Variants in CTNND2 observed in about 807,000 individuals in gnomAD.
CTNND2 encodes catenin delta 2.
In CTNND2, 22 loss-of-function variants were observed where a neutral mutation model predicts 144.4. That is an observed-to-expected ratio of 0.15 (90% CI 0.11 to 0.22). The LOEUF (loss-of-function observed/expected upper bound fraction) is 0.22. CTNND2 is among the 10% of genes least tolerant of loss of function. The probability of loss-of-function intolerance (pLI) is 1.00; values close to 1 mark genes in which losing one functional copy is unlikely to be tolerated. For missense variants in CTNND2, 1,353 were observed against 1,618.8 expected (o/e 0.84, Z 2.82); for synonymous variants, 751 against 695.6 (o/e 1.08, Z -1.25).
At chr5:11,754,331 T>C (rs1788789379) in intron 1 of CTNND2, among the ~76,000 whole-genome samples, 1 of 151,286 alleles carries the variant, frequency 6.6e-6, no homozygotes, top group African/African-American at 2.4e-5. Context: ...ATGTTTCTCT[T>C]AACAATGTTT....
chr5:11,378,996 A>G (rs756281459), intron 7 of CTNND2, among the ~76,000 whole-genome samples: 9 of 152,196 alleles, frequency 5.9e-5, no homozygotes, highest in African/African-American at 9.7e-5. Context: ...TCATTGGTTA[A>G]GAGTCTCCAC....
chr5:11,411,986 T>C, intron 4 of CTNND2, 49 bp downstream of exon 4: 4 of 1,442,016 alleles, frequency 2.8e-6, no homozygotes, highest in Non-Finnish European at 3.9e-6. Flanking sequence ...AAGTCATCAG[T>C]AGAGATATGT....
chr5:11,263,652 G>C (rs74398558), intron 9 of CTNND2, among the ~76,000 whole-genome samples: 4,265 of 152,270 alleles, frequency 0.028, 107 homozygotes, highest in African/African-American at 0.064. Flanking sequence ...TGAACCACTT[G>C]TAAAATATAT....
intron 12 of CTNND2, among the ~76,000 whole-genome samples, chr5:11,128,731 ATATATATATT>A (rs548781313): frequency 9.1e-5 from 5 of 55,222 alleles, no homozygotes; most frequent in Non-Finnish European, 1.4e-4. Flanking sequence ...CATATATATA[ATATATATATT>A]TATATATATT....
At chr5:11,453,852 T>A (rs1765494858) in intron 3 of CTNND2, among the ~76,000 whole-genome samples, 1 of 152,208 alleles carries the variant, frequency 6.6e-6, no homozygotes, top group Admixed American at 6.5e-5. Context: ...GGATTTATAC[T>A]ACTCTTCTTG....
At chr5:11,502,687 G>C (rs114873563) in intron 3 of CTNND2, among the ~76,000 whole-genome samples, 2 of 152,096 alleles carry the variant, frequency 1.3e-5, no homozygotes, top group East Asian at 3.9e-4. Flanking sequence ...TGGTACCCCA[G>C]ACTATCATCC....
At chr5:11,345,947 T>G (rs909725047) in intron 9 of CTNND2, among the ~76,000 whole-genome samples, 6 of 152,218 alleles carry the variant, frequency 3.9e-5, no homozygotes, top group Admixed American at 6.5e-5. Context: ...TTTTCAATTT[T>G]ACTATAGCTT....
At chr5:11,609,782 C>T (rs1395485413) in intron 2 of CTNND2, among the ~76,000 whole-genome samples, 1 of 152,120 alleles carries the variant, frequency 6.6e-6, no homozygotes, top group Non-Finnish European at 1.5e-5. Flanking sequence ...AAGCCACCTG[C>T]CCCAGGGGAG....
chr5:11,268,740 A>G (rs1406617236), intron 9 of CTNND2, among the ~76,000 whole-genome samples: 1 of 152,220 alleles, frequency 6.6e-6, no homozygotes, highest in Non-Finnish European at 1.5e-5. Flanking sequence ...TTTTTTTACC[A>G]CAACACTAAC....
chr5:11,128,987 A>ATT lies in CTNND2; in HGVS notation c.2160-11421_2160-11420insAA, dbSNP rs1454567272. Among the ~76,000 whole-genome samples the ATT allele has an allele frequency of 4.0e-5, 2 of 49,564 alleles. 1 individual carries two copies. Among genetic ancestry groups the ATT allele is most frequent in the Non-Finnish European group, 7.7e-5 (2 of 25,882 alleles). The allele number at this position is 49,564 out of a possible 152,430, so 32.5% of individuals were successfully genotyped here. On this transcript the variant is annotated intron_variant, in intron 12 of 21. Transcript: ENST00000304623. ...TATAATATATAATATATAAATATAT[A>ATT]TAATATATAATATATAAATATATAT... is the stretch of plus-strand genomic sequence containing the variant.
chr5:11,248,101 A>G (rs988934295), intron 9 of CTNND2, among the ~76,000 whole-genome samples: 5 of 152,204 alleles, frequency 3.3e-5, no homozygotes, highest in Non-Finnish European at 7.3e-5. Context: ...ATCTATTTTA[A>G]AATTAACAGC....
intron 2 of CTNND2, among the ~76,000 whole-genome samples, chr5:11,592,143 C>A (rs1183618883): frequency 8.3e-6 from 1 of 120,680 alleles, no homozygotes; most frequent in Non-Finnish European, 1.7e-5. Context: ...TGCCTTCCTG[C>A]CTTCCTGCCT....
chr5:10,995,799 A>G (rs1396871025), intron 18 of CTNND2, among the ~76,000 whole-genome samples: 2 of 152,212 alleles, frequency 1.3e-5, no homozygotes, highest in Non-Finnish European at 2.9e-5. Flanking sequence ...CACTGCCCAC[A>G]GAAACAGACT....
chr5:11,623,978 C>T (rs1013028482), intron 2 of CTNND2, among the ~76,000 whole-genome samples: 1 of 151,030 alleles, frequency 6.6e-6, no homozygotes, highest in South Asian at 2.1e-4. Context: ...GATCAATCAT[C>T]GAAGCAGAAA....
intron 9 of CTNND2, among the ~76,000 whole-genome samples, chr5:11,245,597 T>C (rs1742916974): frequency 6.6e-6 from 1 of 152,148 alleles, no homozygotes; most frequent in Admixed American, 6.5e-5. Context: ...CTAGAACCTC[T>C]AAAGGGAGCC....
intron 12 of CTNND2, among the ~76,000 whole-genome samples, chr5:11,143,284 T>C (rs1248991451): frequency 6.6e-6 from 1 of 152,190 alleles, no homozygotes. Context: ...CCTGTACTAG[T>C]TTGCTAGAGC....
At chr5:11,527,812 C>A (rs1320215013) in intron 3 of CTNND2, among the ~76,000 whole-genome samples, 1 of 152,164 alleles carries the variant, frequency 6.6e-6, no homozygotes, top group Non-Finnish European at 1.5e-5. Context: ...TAACAGAGAA[C>A]AGTGGACACA....
At chr5:11,399,373 A>T (rs1214873887) in intron 5 of CTNND2, among the ~76,000 whole-genome samples, 1 of 151,134 alleles carries the variant, frequency 6.6e-6, no homozygotes, top group African/African-American at 2.5e-5. Context: ...TCATGGAAGA[A>T]GTTTAGCATT....
At position 11,706,994 on chromosome 5, in the gene CTNND2, G is replaced by C. The variant is rs181693819; in HGVS notation, c.174+25142C>G. Among the ~76,000 whole-genome samples the C allele has an allele frequency of 8.4e-3, 1,273 of 151,752 alleles. 19 individuals carry two copies. The highest frequency in any genetic ancestry group is 0.03 in the African/African-American group (1,227 of 41,388). ...CCAGCTACTCGGGAGGCTGAGGCAGGAGAATGGTGTGAACCCAGGAGGCGG... is the reference window on the plus strand; with the variant it reads ...CCAGCTACTCGGGAGGCTGAGGCAGCAGAATGGTGTGAACCCAGGAGGCGG... On this transcript the variant is annotated intron_variant, in intron 2 of 21. Transcript: ENST00000304623.
Sources: allele counts gnomAD v4.1 joint callset (sites outside exome capture counted in the v4.1 genomes callset), GRCh38; gene constraint gnomAD v4.1.1; transcripts MANE v1.5; gene names NCBI Gene and HGNC (gene_info 2026-07-23, HGNC 2026-07-21).